The following HPN variants were observed in gnomAD, a reference collection of about 807,000 sequenced individuals.
The protein encoded by HPN is hepsin, also known as serine protease hepsin.
In HPN, 13 loss-of-function variants were observed where a neutral mutation model predicts 55.9. That is an observed-to-expected ratio of 0.23 (90% CI 0.15 to 0.37). The LOEUF (loss-of-function observed/expected upper bound fraction) is 0.37. HPN is among the 10% of genes least tolerant of loss of function. HPN has a pLI of 1.00. For missense variants in HPN, 451 were observed against 575.8 expected (o/e 0.78, Z 2.22); for synonymous variants, 225 against 240.3 (o/e 0.94, Z 0.59).
chr19:35,043,583 G>C (rs1192499558), intron 2 of HPN, among the ~76,000 whole-genome samples: 1 of 152,240 alleles, frequency 6.6e-6, no homozygotes, highest in Non-Finnish European at 1.5e-5. Flanking sequence ...AGGATGGGCA[G>C]GAAGCACTGA....
chr19:35,045,517 A>G (rs2064333166), intron 2 of HPN, among the ~76,000 whole-genome samples: 1 of 152,112 alleles, frequency 6.6e-6, no homozygotes, highest in African/African-American at 2.4e-5. Context: ...GACCTATGAG[A>G]AGACCCAAGG....
intron 2 of HPN, among the ~76,000 whole-genome samples, chr19:35,048,930 G>A (rs2064374376): frequency 6.6e-6 from 1 of 152,144 alleles, no homozygotes; most frequent in Non-Finnish European, 1.5e-5. Context: ...AAAGGTTGGG[G>A]GTCACAGTCC....
chr19:35,064,413 A>G (rs890824178), intron 9 of HPN, among the ~76,000 whole-genome samples: 5 of 151,676 alleles, frequency 3.3e-5, no homozygotes, highest in African/African-American at 1.2e-4. Context: ...CAATGGCGCA[A>G]TCTCGGCTCC....
chr19:35,066,510 G>T lies in HPN; in HGVS notation c.*223G>T. The T allele has an allele frequency of 1.7e-6, 1 of 588,434 alleles. No homozygotes were observed. The highest frequency in any genetic ancestry group is 2.3e-5 in the South Asian group (1 of 43,788). The allele number at this position is 588,434 out of a possible 1,614,324, so 36.5% of individuals were successfully genotyped here. ...ATGTAAATATTGTTCTGCTGTCTGG[G>T]ACTCCTGTCTAGGTGCCCCTGATGA... On this transcript the variant is annotated 3_prime_UTR_variant, in exon 13 of 13. Transcript: ENST00000672452.
chr19:35,045,022 C>T (rs535681803), intron 2 of HPN, among the ~76,000 whole-genome samples: 67 of 151,926 alleles, frequency 4.4e-4, no homozygotes, highest in Non-Finnish European at 8.5e-4. Flanking sequence ...GAGACAGGAC[C>T]GGGAGGAAGA....
upstream of HPN, chr19:35,041,591 A>C: frequency 8.7e-7 from 1 of 1,143,664 alleles, no homozygotes; most frequent in Non-Finnish European, 1.1e-6. Context: ...CAAGCCCCGT[A>C]GCTGGGCCCG....
chr19:35,049,573 C>T (rs181937573), intron 4 of HPN, 57 bp downstream of exon 4: 276 of 1,478,892 alleles, frequency 1.9e-4, no homozygotes, highest in Non-Finnish European at 2.4e-4. Context: ...GTGTATCTGG[C>T]GGGAGCTCAA....
chr19:35,052,354 C>T (rs1161268168), intron 4 of HPN, among the ~76,000 whole-genome samples: 1 of 151,992 alleles, frequency 6.6e-6, no homozygotes, highest in African/African-American at 2.4e-5. Context: ...GTGGTGAAAC[C>T]TCATCTGTAC....
At chr19:35,043,819 C>T (rs1258066799) in intron 2 of HPN, among the ~76,000 whole-genome samples, 2 of 152,186 alleles carry the variant, frequency 1.3e-5, no homozygotes, top group African/African-American at 2.4e-5. Context: ...AGGGCTTGGG[C>T]CCATGGGTGA....
intron 2 of HPN, among the ~76,000 whole-genome samples, chr19:35,045,590 G>T (rs1395942543): frequency 6.6e-6 from 1 of 152,134 alleles, no homozygotes; most frequent in Non-Finnish European, 1.5e-5. Context: ...GGTGGGGGAG[G>T]TCTGGCTTAC....
At position 35,066,267 on chromosome 19, in the gene HPN, G is replaced by A. The variant is rs772106863; in HGVS notation, c.1234G>A (p.Gly412Ser). 8.1e-6 allele frequency: 13 copies of A among 1,613,550 alleles called. No homozygotes were observed. Among genetic ancestry groups the A allele is most frequent in the Admixed American group, 6.7e-5 (4 of 59,966 alleles). The change falls in exon 13 of 13, where the codon GGC becomes AGC. Residue 412 changes from glycine to serine, a missense_variant. Gly to Ser is a moderately conservative substitution (Grantham distance 56). Coordinates refer to ENST00000672452, the MANE Select transcript of HPN (RefSeq NM_001384133.1). Reference sequence around the variant, plus strand: ...TCCCCAGACTCACTCCGAAGCCAGCGGCATGGTGACCCAGCTCTGACCGGT... The same window carrying A: ...TCCCCAGACTCACTCCGAAGCCAGCAGCATGGTGACCCAGCTCTGACCGGT... ...QAIKTHSEAS[G>S]MVTQL
rs750597296 is a variant in HPN at position 35,065,527 on chromosome 19, G to C, written c.908-12G>C. 5 of 1,613,522 alleles carry C rather than the reference G, an allele frequency of 3.1e-6. No homozygotes were observed. Among genetic ancestry groups the C allele is most frequent in the Non-Finnish European group, 4.2e-6 (5 of 1,179,812 alleles). ...CCCCCAGCTCTGGCCAGCCTTGCCT[G>C]CACACCCCCAGGCCAACAGGCCGGG... On this transcript the variant is annotated splice_polypyrimidine_tract_variant and intron_variant, in intron 10 of 12. Transcript: ENST00000672452.
chr19:35,051,542 C>T (rs1374994005), intron 4 of HPN, among the ~76,000 whole-genome samples: 1 of 152,184 alleles, frequency 6.6e-6, no homozygotes, highest in Non-Finnish European at 1.5e-5. Flanking sequence ...CCACCACAAC[C>T]CATTTTCCTA....
rs376967230 is a variant in HPN at position 35,045,739 on chromosome 19, C to T, written c.16+3217C>T. Among the ~76,000 whole-genome samples the T allele has an allele frequency of 3.3e-4, 43 of 128,718 alleles. 1 individual carries two copies. The East Asian group carries it at 3.8e-3, about 11-fold the overall frequency. 84.4% of individuals were successfully genotyped at this position (128,718 alleles called of 152,430 possible). A position where few individuals can be genotyped will look rare whatever the true frequency, so the allele number is the denominator to read the frequency against. On this transcript the variant is annotated intron_variant, in intron 2 of 12. Transcript: ENST00000672452. The stretch of plus-strand genomic sequence containing the variant: ...GATGCTGCCTGTCCCAGTAGAGACA[C>T]GCAGGGAGGATGAGGATGCGTCCCA...
chr19:35,049,861 G>T (rs73040328), intron 4 of HPN, among the ~76,000 whole-genome samples: 9,543 of 124,194 alleles, frequency 0.077, 394 homozygotes, highest in African/African-American at 0.12. Context: ...ATTTTTGTTT[G>T]TTTTTTTTTT....
chr19:35,054,482 A>T (rs567407651), intron 4 of HPN, among the ~76,000 whole-genome samples: 1 of 151,142 alleles, frequency 6.6e-6, no homozygotes, highest in African/African-American at 2.4e-5. Flanking sequence ...TCAGAGAGCC[A>T]CTTGGATAGG....
chr19:35,056,473 G>C (rs1046813728), intron 4 of HPN, among the ~76,000 whole-genome samples: 3 of 152,248 alleles, frequency 2.0e-5, no homozygotes, highest in African/African-American at 7.2e-5. Context: ...CCTGACTTAG[G>C]TGTTAACAGG....
intron 2 of HPN, among the ~76,000 whole-genome samples, chr19:35,045,596 C>T (rs1457349561): frequency 6.6e-6 from 1 of 152,106 alleles, no homozygotes; most frequent in East Asian, 1.9e-4. Context: ...GGAGGTCTGG[C>T]TTACCAAGGG....
intron 4 of HPN, among the ~76,000 whole-genome samples, chr19:35,051,669 C>A (rs1483887950): frequency 7.1e-6 from 1 of 141,400 alleles, no homozygotes; most frequent in African/African-American, 2.5e-5. Flanking sequence ...ATAGTGTCTA[C>A]ACTTGATTGC....
Sources: allele counts gnomAD v4.1 joint callset (sites outside exome capture counted in the v4.1 genomes callset), GRCh38; gene constraint gnomAD v4.1.1; transcripts MANE v1.5; gene names NCBI Gene and HGNC (gene_info 2026-07-23, HGNC 2026-07-21).